Variants in LRRIQ3 observed in about 807,000 individuals in gnomAD.
LRRIQ3 encodes leucine rich repeats and IQ motif containing 3.
In LRRIQ3, 75 loss-of-function variants were observed where a neutral mutation model predicts 59.3. The ratio of observed to expected loss-of-function variants is 1.26; its 90% confidence interval spans 1.05 to 1.53. The LOEUF (loss-of-function observed/expected upper bound fraction) is 1.53. Ranked by LOEUF, LRRIQ3 falls within the 40% of genes most tolerant of loss-of-function variation. The pLI is 0.00. For synonymous variants in LRRIQ3, 250 were observed against 231.3 expected (o/e 1.08, Z -0.73); for missense variants, 831 against 710.0 (o/e 1.17, Z -1.94).
chr1:74,073,449 T>C (rs1269257550), intron 6 of LRRIQ3, among the ~76,000 whole-genome samples: 1 of 151,756 alleles, frequency 6.6e-6, no homozygotes, highest in African/African-American at 2.4e-5. Context: ...GGGTCGAGGG[T>C]GCACTGAGCC....
chr1:74,166,795 G>A (rs573084749), intron 3 of LRRIQ3, among the ~76,000 whole-genome samples: 149 of 151,720 alleles, frequency 9.8e-4, no homozygotes, highest in Non-Finnish European at 1.5e-3. Context: ...CTAAGGACAT[G>A]AATAGACAAT....
rs1317914580 is a variant in LRRIQ3 at position 74,182,607 on chromosome 1, C to T, written c.504G>A (p.Trp168Ter). The T allele has an allele frequency of 4.4e-6, 7 of 1,606,600 alleles. No individual in the cohort carries two copies. Among genetic ancestry groups the T allele is most frequent in the African/African-American group, 4.0e-5 (3 of 74,650 alleles). Residue 168 changes from tryptophan to a stop codon, truncating the protein, a stop_gained, in exon 3 of 8, where the codon TGG becomes TGA. Coordinates refer to ENST00000354431, the MANE Select transcript of LRRIQ3 (RefSeq NM_001105659.2). LOFTEE classifies it high-confidence loss of function. ...ATGCTTTGAATCTTTCAGGAAGATGCCAGTTCTGAATTATTTCTTCATCAG... is the reference window on the plus strand; with the variant it reads ...ATGCTTTGAATCTTTCAGGAAGATGTCAGTTCTGAATTATTTCTTCATCAG... Reference protein sequence around the residue: ...VISDEEIIQNWHLPERFKACN... With the variant: ...VISDEEIIQN
chr1:74,141,672 T>G (rs1647260240), intron 4 of LRRIQ3, among the ~76,000 whole-genome samples: 1 of 151,906 alleles, frequency 6.6e-6, no homozygotes, highest in Admixed American at 6.6e-5. Flanking sequence ...TTTTGTTTGA[T>G]AAAAAATGTT....
intron 5 of LRRIQ3, among the ~76,000 whole-genome samples, chr1:74,099,368 T>G (rs1251053124): frequency 6.6e-6 from 1 of 152,088 alleles, no homozygotes; most frequent in African/African-American, 2.4e-5. Flanking sequence ...AGAAGCTGAA[T>G]CCCTGAATAG....
chr1:74,084,059 C>A, intron 5 of LRRIQ3: 1 of 901,568 alleles, frequency 1.1e-6, no homozygotes, highest in Non-Finnish European at 1.6e-6. Context: ...TTACACTTAT[C>A]TTGTGTGTAC....
At chr1:74,093,711 G>A (rs1646417878) in intron 5 of LRRIQ3, among the ~76,000 whole-genome samples, 1 of 152,014 alleles carries the variant, frequency 6.6e-6, no homozygotes, top group South Asian at 2.1e-4. Flanking sequence ...ATACTTCCAA[G>A]TTTCCACTCA....
intron 2 of LRRIQ3, chr1:74,183,153 T>C: frequency 3.2e-6 from 1 of 317,016 alleles, no homozygotes; most frequent in South Asian, 8.3e-5. Flanking sequence ...CTAAAATACT[T>C]TCCTTACCTA....
intron 3 of LRRIQ3, among the ~76,000 whole-genome samples, chr1:74,177,392 T>C (rs1038148590): frequency 2.0e-5 from 3 of 152,148 alleles, no homozygotes; most frequent in African/African-American, 7.2e-5. Context: ...TTGTGGGACC[T>C]TGTGATCATG....
intron 3 of LRRIQ3, among the ~76,000 whole-genome samples, chr1:74,177,822 T>C (rs1369591680): frequency 6.6e-6 from 1 of 152,038 alleles, no homozygotes; most frequent in South Asian, 2.1e-4. Flanking sequence ...GAATATCTAC[T>C]CTATCTTCTT....
At chr1:74,139,043 A>T (rs554211003) in intron 4 of LRRIQ3, among the ~76,000 whole-genome samples, 33 of 150,352 alleles carry the variant, frequency 2.2e-4, no homozygotes, top group African/African-American at 7.8e-4. Flanking sequence ...AAACACAAAA[A>T]ATGTATTTAT....
chr1:74,050,277 C>T (rs1008530389), intron 6 of LRRIQ3, among the ~76,000 whole-genome samples: 1 of 152,138 alleles, frequency 6.6e-6, no homozygotes, highest in Non-Finnish European at 1.5e-5. Context: ...GTTCTCCTTT[C>T]TCCAGCCATA....
intron 5 of LRRIQ3, among the ~76,000 whole-genome samples, chr1:74,076,429 A>T (rs1161159061): frequency 6.6e-6 from 1 of 152,002 alleles, no homozygotes; most frequent in Non-Finnish European, 1.5e-5. Context: ...TCAAAACAAT[A>T]TTTTTTTCCT....
At chr1:74,073,857 T>C (rs1646165938) in intron 6 of LRRIQ3, among the ~76,000 whole-genome samples, 1 of 152,150 alleles carries the variant, frequency 6.6e-6, no homozygotes, top group Non-Finnish European at 1.5e-5. Context: ...TTTATGATTC[T>C]TCTGTGAAAG....
chr1:74,141,398 C>A (rs1218758429), intron 4 of LRRIQ3, among the ~76,000 whole-genome samples: 4 of 151,524 alleles, frequency 2.6e-5, no homozygotes, highest in African/African-American at 9.7e-5. Context: ...ACGGTTTGAG[C>A]TAATATTTTA....
intron 5 of LRRIQ3, among the ~76,000 whole-genome samples, chr1:74,097,148 A>C (rs530821169): frequency 6.6e-6 from 1 of 152,302 alleles, no homozygotes; most frequent in African/African-American, 2.4e-5. Flanking sequence ...ATCACAAAGA[A>C]GCTAAAATCC....
At chr1:74,030,978 A>C (rs1653690637) in intron 7 of LRRIQ3, among the ~76,000 whole-genome samples, 1 of 152,224 alleles carries the variant, frequency 6.6e-6, no homozygotes, top group Admixed American at 6.5e-5. Context: ...TCTCAAAAGA[A>C]GACATTTATG....
chr1:74,036,480 G>T (rs1261556995), intron 7 of LRRIQ3, among the ~76,000 whole-genome samples: 1 of 152,066 alleles, frequency 6.6e-6, no homozygotes, highest in Non-Finnish European at 1.5e-5. Flanking sequence ...ATTTTAGAAA[G>T]CTTCTAGGTC....
intron 2 of LRRIQ3, 53 bp downstream of exon 2, chr1:74,183,383 T>TAA: frequency 6.8e-7 from 1 of 1,465,220 alleles, no homozygotes. Context: ...AAGTACTTAT[T>TAA]ATAAGACTGA....
intron 6 of LRRIQ3, among the ~76,000 whole-genome samples, chr1:74,055,015 T>C (rs1436710211): frequency 6.8e-6 from 1 of 147,696 alleles, no homozygotes; most frequent in East Asian, 1.9e-4. Flanking sequence ...TTAAATAATA[T>C]GTAAATATAA....
Sources: gnomAD v4.1 joint callset for allele counts (sites outside exome capture counted in the v4.1 genomes callset) on GRCh38, gnomAD v4.1.1 for gene constraint, MANE v1.5 for transcripts, NCBI Gene and HGNC (gene_info 2026-07-23, HGNC 2026-07-21) for gene names.